Variants in EEFSEC observed in about 807,000 individuals in gnomAD.
EEFSEC encodes eukaryotic elongation factor, selenocysteine-tRNA specific.
A neutral mutation model predicts 42.1 loss-of-function variants in EEFSEC; 43 were observed. The observed-to-expected ratio is 1.02, with a 90% CI of 0.80 to 1.32. The LOEUF (loss-of-function observed/expected upper bound fraction) is 1.32, where lower values mean the gene tolerates loss of function less well. EEFSEC is among the 40% of genes most tolerant of loss of function. The pLI, the probability that EEFSEC is intolerant of heterozygous loss-of-function variation, is 0.00. For missense variants in EEFSEC, 745 were observed against 803.6 expected, an observed-to-expected ratio of 0.93 and a Z score of 0.88; for synonymous variants, 354 against 339.1, an observed-to-expected ratio of 1.04 and a Z score of -0.48.
chr3:128,296,818 G>T (rs1332655785), intron 4 of EEFSEC, among the ~76,000 whole-genome samples: 2 of 152,230 alleles, frequency 1.3e-5, no homozygotes, highest in African/African-American at 4.8e-5. Context: ...CTTACAGTCA[G>T]TACTCTGCGT....
chr3:128,322,436 A>C (rs1411337262), intron 4 of EEFSEC, among the ~76,000 whole-genome samples: 1 of 152,060 alleles, frequency 6.6e-6, no homozygotes, highest in African/African-American at 2.4e-5. Flanking sequence ...ATTGTCACCA[A>C]CTCCCTCCAG....
At chr3:128,406,129 C>T (rs906831641) in intron 6 of EEFSEC, among the ~76,000 whole-genome samples, 5 of 152,204 alleles carry the variant, frequency 3.3e-5, no homozygotes, top group South Asian at 2.1e-4. Flanking sequence ...GGAACTGCTC[C>T]GAGCCCTGGG....
At chr3:128,307,903 T>C (rs1031404901) in intron 4 of EEFSEC, among the ~76,000 whole-genome samples, 30 of 152,218 alleles carry the variant, frequency 2.0e-4, no homozygotes, top group African/African-American at 7.2e-4. Flanking sequence ...GCGCTCTCCC[T>C]GTAGGCCTCT....
intron 6 of EEFSEC, among the ~76,000 whole-genome samples, chr3:128,361,526 C>T (rs1402566083): frequency 2.0e-5 from 3 of 152,270 alleles, no homozygotes; most frequent in Admixed American, 1.3e-4. Flanking sequence ...CTCAGGTTCA[C>T]GAGGTGAAGC....
chr3:128,201,541 G>T (rs1260575766), intron 1 of EEFSEC, among the ~76,000 whole-genome samples: 1 of 152,054 alleles, frequency 6.6e-6, no homozygotes, highest in East Asian at 1.9e-4. Flanking sequence ...CAAATCTTTT[G>T]CCTATTTTTT....
At position 128,308,511 on chromosome 3, in the gene EEFSEC, A is replaced by T. The variant is rs149611443; in HGVS notation, c.787-32722A>T. 2.6e-5 allele frequency among the ~76,000 whole-genome samples: 4 copies of T among 152,314 alleles called. No homozygotes were observed. The East Asian group carries it at 7.7e-4, about 29-fold the overall frequency. On this transcript the variant is annotated intron_variant, in intron 4 of 6. Transcript: ENST00000254730. ...TTGCAGCTGGAAAAACTGAAGCCAAATGCCATTTAATCGCACAGCTATTGA... is the reference window on the plus strand; with the variant it reads ...TTGCAGCTGGAAAAACTGAAGCCAATTGCCATTTAATCGCACAGCTATTGA...
chr3:128,211,180 T>C (rs1169973607), intron 1 of EEFSEC, among the ~76,000 whole-genome samples: 1 of 152,248 alleles, frequency 6.6e-6, no homozygotes, highest in Non-Finnish European at 1.5e-5. Context: ...GCTTAAAATA[T>C]GGGTGCTATT....
chr3:128,392,881 G>A (rs183833142), intron 6 of EEFSEC, among the ~76,000 whole-genome samples: 1 of 152,342 alleles, frequency 6.6e-6, no homozygotes, highest in African/African-American at 2.4e-5. Flanking sequence ...AGGGAAGGGG[G>A]TGGTGGGTAC....
At chr3:128,236,985 C>T (rs1237936950) in intron 1 of EEFSEC, among the ~76,000 whole-genome samples, 1 of 152,246 alleles carries the variant, frequency 6.6e-6, no homozygotes, top group East Asian at 1.9e-4. Context: ...TGTTGTCTGT[C>T]TGGCCTCTCA....
chr3:128,241,201 C>CTTTTTTT (rs373420882), intron 1 of EEFSEC, among the ~76,000 whole-genome samples: 8 of 80,668 alleles, frequency 9.9e-5, no homozygotes, highest in Non-Finnish European at 1.3e-4. Flanking sequence ...CTCTCTCTCT[C>CTTTTTTT]TTTTTTTTTT....
In EEFSEC at chr3:128,219,992, TTGCATTTGCGGTGGCAGCTCTGTTCTC is replaced by T. The variant is rs1157079931; in HGVS notation, c.317-26839_317-26813del. ...AGCAGTAATAAAAATGGTAAACTCT[TTGCATTTGCGGTGGCAGCTCTGTTCTC>T]TGCACTTTAATACAGTAACAGATAT... On this transcript the variant is annotated intron_variant, in intron 1 of 6. Transcript: ENST00000254730. Among the ~76,000 whole-genome samples the T allele has an allele frequency of 2.6e-5, 4 of 152,256 alleles. No individual in the cohort carries two copies. The East Asian group carries it at 7.7e-4, about 29-fold the overall frequency.
At position 128,295,204 on chromosome 3, in the gene EEFSEC, G is replaced by T. The variant is rs527440654; in HGVS notation, c.786+30423G>T. Among the ~76,000 whole-genome samples, 8 of 152,330 alleles carry T rather than the reference G, an allele frequency of 5.3e-5. No individual in the cohort carries two copies. The South Asian group carries it at 8.3e-4, about 16-fold the overall frequency. ...TTTTCTACTCAACACTGGCAGCAGT[G>T]CGATGTCCCCTCAGCCCTGCCTTTG... On this transcript the variant is annotated intron_variant, in intron 4 of 6. Transcript: ENST00000254730.
intron 6 of EEFSEC, among the ~76,000 whole-genome samples, chr3:128,379,775 TG>T (rs2067752219): frequency 2.0e-5 from 3 of 152,202 alleles, no homozygotes; most frequent in Middle Eastern, 3.2e-3. Flanking sequence ...AGTGTCTTCG[TG>T]GGGTCACAGA....
intron 4 of EEFSEC, among the ~76,000 whole-genome samples, chr3:128,286,490 T>C (rs2066587353): frequency 6.6e-6 from 1 of 152,400 alleles, no homozygotes. Flanking sequence ...ATGTATTTTA[T>C]ACTTTGGGTT....
At chr3:128,169,509 C>G (rs945388426) in intron 1 of EEFSEC, among the ~76,000 whole-genome samples, 10 of 152,218 alleles carry the variant, frequency 6.6e-5, no homozygotes, top group African/African-American at 2.4e-4. Context: ...CTGGATATGC[C>G]TGGTCTCACT....
At chr3:128,381,635 G>T (rs1380856390) in intron 6 of EEFSEC, among the ~76,000 whole-genome samples, 2 of 152,220 alleles carry the variant, frequency 1.3e-5, no homozygotes, top group Non-Finnish European at 2.9e-5. Flanking sequence ...CTTTGGGCCT[G>T]CTTCCTGGAG....
intron 2 of EEFSEC, among the ~76,000 whole-genome samples, chr3:128,252,577 G>C (rs2107910063): frequency 6.6e-6 from 1 of 152,230 alleles, no homozygotes; most frequent in Non-Finnish European, 1.5e-5. Flanking sequence ...TTTTGTGTCT[G>C]GCTTGACTAT....
At chr3:128,345,797 G>A (rs1191784624) in intron 5 of EEFSEC, among the ~76,000 whole-genome samples, 1 of 152,218 alleles carries the variant, frequency 6.6e-6, no homozygotes, top group Non-Finnish European at 1.5e-5. Context: ...CCGCCAGGGG[G>A]GCTTAAGGCA....
chr3:128,234,764 T>C (rs935178287), intron 1 of EEFSEC, among the ~76,000 whole-genome samples: 1 of 152,226 alleles, frequency 6.6e-6, no homozygotes, highest in Non-Finnish European at 1.5e-5. Flanking sequence ...GTGTCTGAGA[T>C]GACTTGATGT....
Sources: allele counts gnomAD v4.1 joint callset (sites outside exome capture counted in the v4.1 genomes callset), GRCh38; gene constraint gnomAD v4.1.1; transcripts MANE v1.5; gene names NCBI Gene and HGNC (gene_info 2026-07-23, HGNC 2026-07-21).